HEPACAM2: variants seen among roughly 807,000 people sequenced by gnomAD.
The protein encoded by HEPACAM2 is HEPACAM family member 2.
In HEPACAM2, 49 loss-of-function variants were observed where a neutral mutation model predicts 49.6. That is an observed-to-expected ratio of 0.99 (90% CI 0.78 to 1.25). HEPACAM2 has a LOEUF of 1.25. Among genes scored for constraint, HEPACAM2 ranks in the 50% most tolerant of loss-of-function variants. The pLI, the probability that HEPACAM2 is intolerant of heterozygous loss-of-function variation, is 0.00. For missense variants in HEPACAM2, 525 were observed against 557.2 expected (o/e 0.94, Z 0.58); for synonymous variants, 197 against 202.9 (o/e 0.97, Z 0.25).
chr7:93,226,000 C>A, intron 1 of HEPACAM2: 1 of 859,816 alleles, frequency 1.2e-6, no homozygotes, highest in South Asian at 1.8e-5. Context: ...TAGTTTCACT[C>A]TAAGTGGTCA....
At chr7:93,200,868 A>T (rs1286277899) in intron 4 of HEPACAM2, among the ~76,000 whole-genome samples, 1 of 152,096 alleles carries the variant, frequency 6.6e-6, no homozygotes, top group Non-Finnish European at 1.5e-5. Flanking sequence ...CTAGAATCCT[A>T]TCCTGGAAGC....
the HEPACAM2 span, among the ~76,000 whole-genome samples, chr7:93,232,072 C>T: frequency 7.9e-5 from 12 of 152,250 alleles, no homozygotes; most frequent in East Asian, 1.9e-4. Flanking sequence ...TATATATTGT[C>T]TCCTCTGAGT....
chr7:93,205,127 C>T (rs1256524281), intron 4 of HEPACAM2, among the ~76,000 whole-genome samples: 1 of 150,716 alleles, frequency 6.6e-6, no homozygotes, highest in Non-Finnish European at 1.5e-5. Context: ...GCTTTGAATT[C>T]AGATATTATT....
rs760405287 is a variant in HEPACAM2 at position 93,189,287 on chromosome 7, C to T, written c.1386-17G>A. On this transcript the variant is annotated splice_polypyrimidine_tract_variant and intron_variant, in intron 9 of 9. Transcript: ENST00000394468. ...AAAGTTCACCTAGTGAAGAGATATACAAAATATGTAAACAGTTCTATAGAT... is the reference window on the plus strand; with the variant it reads ...AAAGTTCACCTAGTGAAGAGATATATAAAATATGTAAACAGTTCTATAGAT... 6 of 1,581,514 alleles carry T rather than the reference C, an allele frequency of 3.8e-6. No homozygotes were observed. Among genetic ancestry groups the T allele is most frequent in the South Asian group, 2.3e-5 (2 of 87,194 alleles).
At chr7:93,214,941 A>G (rs1794264360) in intron 3 of HEPACAM2, among the ~76,000 whole-genome samples, 1 of 152,206 alleles carries the variant, frequency 6.6e-6, no homozygotes, top group Admixed American at 6.6e-5. Flanking sequence ...ATGGGAAGAC[A>G]TACAGATAAA....
upstream of HEPACAM2, among the ~76,000 whole-genome samples, chr7:93,230,204 G>T (rs762370176): frequency 1.5e-4 from 23 of 152,066 alleles, no homozygotes; most frequent in Non-Finnish European, 3.2e-4. Context: ...TTTTTGGGGG[G>T]ATCATCTTTA....
chr7:93,217,316 G>T (rs541912815), intron 2 of HEPACAM2, among the ~76,000 whole-genome samples: 3 of 152,272 alleles, frequency 2.0e-5, no homozygotes, highest in African/African-American at 7.2e-5. Context: ...TCATACATTT[G>T]CTTAAAACAG....
At chr7:93,196,435 G>A (rs1463144996) in intron 7 of HEPACAM2, among the ~76,000 whole-genome samples, 1 of 152,118 alleles carries the variant, frequency 6.6e-6, no homozygotes, top group Non-Finnish European at 1.5e-5. Flanking sequence ...GTGGTTAGGA[G>A]GAACCAGATA....
chr7:93,226,249 G>T, intron 1 of HEPACAM2, 119 bp downstream of exon 1: 1 of 690,914 alleles, frequency 1.4e-6, no homozygotes, highest in Non-Finnish European at 2.5e-6. Context: ...AAAAGGTTCT[G>T]ACCTGCTCTT....
upstream of HEPACAM2, among the ~76,000 whole-genome samples, chr7:93,227,527 A>G (rs1415071023): frequency 6.6e-6 from 1 of 152,200 alleles, no homozygotes; most frequent in East Asian, 1.9e-4. Flanking sequence ...TTTGGAATCC[A>G]AGTTTGGAAA....
intron 1 of HEPACAM2, 71 bp from the exon 2 acceptor site, chr7:93,219,522 G>T: frequency 6.2e-7 from 1 of 1,600,036 alleles, no homozygotes; most frequent in South Asian, 1.1e-5. Context: ...CAAATGCAGA[G>T]AGAACCTGAT....
chr7:93,217,868 A>T (rs1231700779), intron 2 of HEPACAM2, among the ~76,000 whole-genome samples: 3 of 129,576 alleles, frequency 2.3e-5, no homozygotes, highest in South Asian at 2.7e-4. Context: ...TTCTCTGAGC[A>T]TGTGTGTCTG....
At chr7:93,228,424 C>T (rs983874933), upstream of HEPACAM2, among the ~76,000 whole-genome samples, 3 of 151,564 alleles carry the variant, frequency 2.0e-5, no homozygotes, top group Non-Finnish European at 4.4e-5. Context: ...TGACAAAGCG[C>T]CCTCTAGTGG....
intron 3 of HEPACAM2, among the ~76,000 whole-genome samples, chr7:93,213,583 A>C (rs925953955): frequency 2.6e-5 from 4 of 152,110 alleles, no homozygotes; most frequent in African/African-American, 9.7e-5. Context: ...GATATGAAGA[A>C]AGATAATCTG....
At chr7:93,218,954 A>G (rs1794380493) in intron 2 of HEPACAM2, 147 bp downstream of exon 2, 3 of 635,722 alleles carry the variant, frequency 4.7e-6, no homozygotes, top group African/African-American at 3.7e-5. Flanking sequence ...TAATGTCATT[A>G]GTGCCATGAG....
At chr7:93,213,598 A>G (rs1447130769) in intron 3 of HEPACAM2, among the ~76,000 whole-genome samples, 1 of 152,100 alleles carries the variant, frequency 6.6e-6, no homozygotes, top group Non-Finnish European at 1.5e-5. Context: ...AATCTGTTCC[A>G]TTTTAGTTAA....
intron 2 of HEPACAM2, among the ~76,000 whole-genome samples, chr7:93,217,834 ACT>A (rs575317566): frequency 3.1e-5 from 4 of 127,812 alleles, no homozygotes; most frequent in Non-Finnish European, 3.4e-5. Flanking sequence ...ATAGAGAGTG[ACT>A]CTCTCTCTCT....
chr7:93,207,757 G>A (rs753008102), intron 4 of HEPACAM2, among the ~76,000 whole-genome samples: 8 of 151,822 alleles, frequency 5.3e-5, no homozygotes, highest in Non-Finnish European at 8.8e-5. Flanking sequence ...TGATATATCA[G>A]ACCTGTATGG....
At chr7:93,209,830 C>T (rs1794135262) in intron 3 of HEPACAM2, among the ~76,000 whole-genome samples, 1 of 151,798 alleles carries the variant, frequency 6.6e-6, no homozygotes, top group Non-Finnish European at 1.5e-5. Context: ...GACATTGTTT[C>T]ACATGGGACA....
Sources: allele counts gnomAD v4.1 joint callset (sites outside exome capture counted in the v4.1 genomes callset), GRCh38; gene constraint gnomAD v4.1.1; transcripts MANE v1.5; gene names NCBI Gene and HGNC (gene_info 2026-07-23, HGNC 2026-07-21).